Variants in MERTK observed in about 807,000 individuals in gnomAD.
The protein encoded by MERTK is MER proto-oncogene, tyrosine kinase, also known as tyrosine-protein kinase Mer.
Under a neutral mutation model 99.3 loss-of-function variants are expected in MERTK, and 69 were observed. That is an observed-to-expected ratio of 0.70 (90% confidence interval 0.57 to 0.85). MERTK has a LOEUF of 0.85. MERTK is among the 40% of genes least tolerant of loss of function. The pLI is 0.00. For missense variants in MERTK, 1,125 were observed against 1,249.4 expected (o/e 0.90, Z 1.50); for synonymous variants, 426 against 467.6 (o/e 0.91, Z 1.15).
chr2:111,903,046 A>G (rs1057124239), intron 1 of MERTK, among the ~76,000 whole-genome samples: 1 of 152,160 alleles, frequency 6.6e-6, no homozygotes, highest in African/African-American at 2.4e-5. Context: ...CCCAAAGTGC[A>G]GAGATTACAG....
chr2:111,992,362 G>T (rs1260902356), intron 8 of MERTK, among the ~76,000 whole-genome samples: 1 of 137,374 alleles, frequency 7.3e-6, no homozygotes, highest in African/African-American at 2.8e-5. Context: ...GGTTTCCAGA[G>T]GGTGGTGCAC....
intron 16 of MERTK, among the ~76,000 whole-genome samples, chr2:112,019,732 T>C (rs1677295326): frequency 6.6e-6 from 1 of 152,162 alleles, no homozygotes. Flanking sequence ...TTCCAAAGCT[T>C]TCCCTTATGA....
At chr2:111,937,159 T>C (rs539809670) in intron 2 of MERTK, among the ~76,000 whole-genome samples, 139 of 152,130 alleles carry the variant, frequency 9.1e-4, no homozygotes, top group Middle Eastern at 3.2e-3. Context: ...AAATGTTAAG[T>C]TGGGGCCAGG....
chr2:111,965,402 T>G (rs572026133), intron 5 of MERTK, 125 bp downstream of exon 5: 17 of 884,624 alleles, frequency 1.9e-5, no homozygotes, highest in Non-Finnish European at 2.6e-5. Context: ...CTTTGTGACC[T>G]TGGACAACTC....
chr2:111,980,225 A>C (rs1241396248), intron 7 of MERTK, among the ~76,000 whole-genome samples: 1 of 152,060 alleles, frequency 6.6e-6, no homozygotes, highest in Admixed American at 6.5e-5. Context: ...GTTATTTAGT[A>C]TATAAACTTT....
intron 4 of MERTK, among the ~76,000 whole-genome samples, chr2:111,955,301 A>G (rs1685127155): frequency 6.6e-6 from 1 of 152,226 alleles, no homozygotes; most frequent in African/African-American, 2.4e-5. Context: ...TACTTTGTCT[A>G]AAGGACATTA....
chr2:111,953,916 C>G (rs1281307976), intron 4 of MERTK, among the ~76,000 whole-genome samples: 1 of 152,192 alleles, frequency 6.6e-6, no homozygotes, highest in Admixed American at 6.5e-5. Context: ...TCATTTCTTC[C>G]TCTGCCCTTC....
chr2:112,017,227 T>C (rs545637033), intron 15 of MERTK, among the ~76,000 whole-genome samples: 1 of 152,100 alleles, frequency 6.6e-6, no homozygotes, highest in Non-Finnish European at 1.5e-5. Context: ...AGAGTGCTGA[T>C]TGGTGCATTT....
At chr2:112,000,903 C>A (rs1676854657) in intron 10 of MERTK, among the ~76,000 whole-genome samples, 1 of 152,038 alleles carries the variant, frequency 6.6e-6, no homozygotes, top group Non-Finnish European at 1.5e-5. Flanking sequence ...TATGGATATT[C>A]ATTTTATACT....
chr2:111,903,021 C>T lies in MERTK; in HGVS notation c.61+4225C>T, dbSNP rs1015570224. Among the ~76,000 whole-genome samples the T allele has an allele frequency of 1.9e-4, 29 of 152,156 alleles. 1 individual carries two copies. Among genetic ancestry groups the T allele is most frequent in the Admixed American group, 1.6e-3 (24 of 15,276 alleles). On this transcript the variant is annotated intron_variant, in intron 1 of 18. Coordinates refer to ENST00000295408, the MANE Select transcript of MERTK (RefSeq NM_006343.3). ...CTCGAACTCCTGACCTCAGGTGATC[C>T]GCCTACCTCAGCCTCCCAAAGTGCA...
At chr2:111,995,044 A>G (rs997187653) in intron 9 of MERTK, 28 of 164,156 alleles carry the variant, frequency 1.7e-4, no homozygotes, top group Admixed American at 1.4e-3. Flanking sequence ...TTAGCTGTCT[A>G]CAATTGGGAC....
intron 1 of MERTK, among the ~76,000 whole-genome samples, chr2:111,909,193 A>G (rs1049743881): frequency 2.0e-5 from 3 of 152,122 alleles, no homozygotes; most frequent in African/African-American, 7.2e-5. Flanking sequence ...TATCACAGCC[A>G]CTATTGTGGC....
At chr2:112,010,309 C>A (rs573481233) in intron 15 of MERTK, 8 of 429,170 alleles carry the variant, frequency 1.9e-5, no homozygotes, top group African/African-American at 8.1e-5. Context: ...TGGACAAAGC[C>A]TTACCAACTT....
intron 13 of MERTK, 100 bp downstream of exon 13, chr2:112,004,084 GC>G: frequency 9.9e-7 from 1 of 1,006,310 alleles, no homozygotes; most frequent in Non-Finnish European, 1.6e-6. Context: ...TTCCCAGTGG[GC>G]CAGAAGGCAA....
At chr2:111,952,308 G>C (rs1037305731) in intron 4 of MERTK, 7 of 155,932 alleles carry the variant, frequency 4.5e-5, no homozygotes, top group African/African-American at 1.7e-4. Context: ...GGAATTACAT[G>C]ATGATCTGAA....
At chr2:111,928,972 A>T (rs990047445) in intron 1 of MERTK, 148 bp from the exon 2 acceptor site, 14 of 766,656 alleles carry the variant, frequency 1.8e-5, no homozygotes, top group Non-Finnish European at 3.1e-5. Context: ...GAATATGTCC[A>T]GATGTGTGTG....
intron 1 of MERTK, chr2:111,913,095 G>A (rs982666912): frequency 2.0e-6 from 2 of 984,696 alleles, no homozygotes; most frequent in African/African-American, 3.5e-5. Context: ...TGGGTCCTTT[G>A]CTTTTTACCC....
intron 4 of MERTK, among the ~76,000 whole-genome samples, chr2:111,956,460 A>G (rs17042094): frequency 0.53 from 81,099 of 152,022 alleles, 21,846 homozygotes; most frequent in South Asian, 0.56. Context: ...TAAAAAATAC[A>G]CATTTTATAT....
rs574001669 is a variant in MERTK, at chr2:111,991,760, A to C, written c.1297-2491A>C. On this transcript the variant is annotated intron_variant, in intron 8 of 18. Coordinates refer to ENST00000295408, the MANE Select transcript of MERTK (RefSeq NM_006343.3). ...TTGTGTGTGTACACACACAATATAT[A>C]TATAATGTGTGTGGAGGGGAGCTTT... Among the ~76,000 whole-genome samples the C allele has an allele frequency of 1.5e-3, 234 of 152,088 alleles. 3 individuals carry two copies. Among genetic ancestry groups the C allele is most frequent in the African/African-American group, 5.2e-3 (214 of 41,456 alleles).
Sources: allele counts gnomAD v4.1 joint callset (sites outside exome capture counted in the v4.1 genomes callset), GRCh38; gene constraint gnomAD v4.1.1; transcripts MANE v1.5; gene names NCBI Gene and HGNC (gene_info 2026-07-23, HGNC 2026-07-21).